ATXN10: variants seen among roughly 807,000 people sequenced by gnomAD.
ATXN10 encodes the protein ataxin-10.
Under a neutral mutation model 52.9 loss-of-function variants are expected in ATXN10, and 28 were observed. That is an observed-to-expected ratio of 0.53 (90% confidence interval 0.39 to 0.73). The LOEUF (loss-of-function observed/expected upper bound fraction) is 0.73, where lower values mean the gene tolerates loss of function less well. Among genes scored for constraint, ATXN10 ranks in the 30% least tolerant of loss-of-function variants. ATXN10 has a pLI of 0.00. For synonymous variants in ATXN10, 226 were observed against 221.5 expected (o/e 1.02, Z -0.18); for missense variants, 565 against 577.0 (o/e 0.98, Z 0.21).
intron 10 of ATXN10, among the ~76,000 whole-genome samples, chr22:45,813,664 G>T (rs1601662808): frequency 6.6e-6 from 1 of 152,112 alleles, no homozygotes; most frequent in South Asian, 2.1e-4. Flanking sequence ...TCCGAGCATT[G>T]CACTCTATCT....
intron 9 of ATXN10, among the ~76,000 whole-genome samples, chr22:45,804,081 C>A (rs2146881639): frequency 6.6e-6 from 1 of 152,160 alleles, no homozygotes; most frequent in South Asian, 2.1e-4. Context: ...GAATTCAAGC[C>A]CAAATTTCAT....
chr22:45,807,723 C>G (rs1235830813), intron 10 of ATXN10, among the ~76,000 whole-genome samples: 1 of 152,156 alleles, frequency 6.6e-6, no homozygotes. Flanking sequence ...GAGATAAAAC[C>G]TACTGTTTAA....
At chr22:45,779,912 GA>G (rs34577605) in intron 9 of ATXN10, among the ~76,000 whole-genome samples, 1 of 150,838 alleles carries the variant, frequency 6.6e-6, no homozygotes, top group Non-Finnish European at 1.5e-5. Flanking sequence ...ATGTGTTTCT[GA>G]AAAAAAAATC....
At chr22:45,738,107 T>G (rs1397599091) in intron 7 of ATXN10, among the ~76,000 whole-genome samples, 3 of 152,140 alleles carry the variant, frequency 2.0e-5, no homozygotes, top group African/African-American at 7.3e-5. Context: ...GCTATGCAGT[T>G]GGTACTGGGT....
chr22:45,776,293 T>C (rs1569060185), intron 9 of ATXN10, among the ~76,000 whole-genome samples: 1 of 152,220 alleles, frequency 6.6e-6, no homozygotes, highest in African/African-American at 2.4e-5. Context: ...AATCTTTTGA[T>C]AGCACTTTCC....
At chr22:45,734,751 A>G (rs1050996758) in intron 7 of ATXN10, among the ~76,000 whole-genome samples, 2 of 151,610 alleles carry the variant, frequency 1.3e-5, no homozygotes, top group Non-Finnish European at 2.9e-5. Flanking sequence ...ATCCAAGATT[A>G]TAAAATCTTT....
At chr22:45,749,184 G>C (rs544128184) in intron 9 of ATXN10, among the ~76,000 whole-genome samples, 2 of 152,260 alleles carry the variant, frequency 1.3e-5, no homozygotes, top group African/African-American at 4.8e-5. Context: ...GGCTTTAAGC[G>C]TGAAGGCAGA....
chr22:45,747,480 G>A (rs141704807), intron 9 of ATXN10, among the ~76,000 whole-genome samples: 252 of 151,452 alleles, frequency 1.7e-3, no homozygotes, highest in Non-Finnish European at 2.3e-3. Context: ...TTCTAGCCTC[G>A]GTGAGGGTGT....
At chr22:45,797,558 T>C (rs1227414142) in intron 9 of ATXN10, among the ~76,000 whole-genome samples, 2 of 152,196 alleles carry the variant, frequency 1.3e-5, no homozygotes, top group African/African-American at 4.8e-5. Flanking sequence ...GATAAAGTAG[T>C]GTTTAGGAAA....
At chr22:45,838,561 T>C (rs371847820) in intron 10 of ATXN10, among the ~76,000 whole-genome samples, 1 of 152,232 alleles carries the variant, frequency 6.6e-6, no homozygotes, top group Non-Finnish European at 1.5e-5. Flanking sequence ...TTAGAGACTT[T>C]AGAAGATGTT....
intron 10 of ATXN10, chr22:45,811,691 TC>T (rs764181497): frequency 3.0e-5 from 14 of 470,476 alleles, no homozygotes; most frequent in African/African-American, 2.4e-4. Flanking sequence ...ATTGTCTCTA[TC>T]CCCAGTGCCA....
rs905323898 is a variant in ATXN10, at chr22:45,826,489, T to C, written c.1238-16502T>C. ...AAGATGAACTCAAGGAGACATATTATAGTCAGAGTTTTGAAAGACAGAGAT... is the reference window on the plus strand; with the variant it reads ...AAGATGAACTCAAGGAGACATATTACAGTCAGAGTTTTGAAAGACAGAGAT... On this transcript the variant is annotated intron_variant, in intron 10 of 11. Coordinates refer to ENST00000252934, the MANE Select transcript of ATXN10 (RefSeq NM_013236.4). The surrounding 1 kb of genome is among the most constrained non-coding windows in gnomAD (Gnocchi z 5.0). 4.6e-5 allele frequency among the ~76,000 whole-genome samples: 7 copies of C among 152,178 alleles called. No individual in the cohort carries two copies. The highest frequency in any genetic ancestry group is 4.1e-4 in the South Asian group (2 of 4,834).
intron 9 of ATXN10, chr22:45,792,702 A>G (rs1405705632): frequency 5.6e-6 from 2 of 354,484 alleles, no homozygotes; most frequent in Admixed American, 3.5e-5. Context: ...TGAACTATCT[A>G]TTGCTTTAAT....
chr22:45,825,158 G>A lies in ATXN10; in HGVS notation c.1238-17833G>A, dbSNP rs1928776071. On this transcript the variant is annotated intron_variant, in intron 10 of 11. Transcript: ENST00000252934. The surrounding 1 kb of genome is among the most constrained non-coding windows in gnomAD (Gnocchi z 4.5). ...AAGACCCTGACATGCAAATATCTGG[G>A]GTCAGTGCTCTGATTACTGATTTCA... Among the ~76,000 whole-genome samples, 1 of 152,096 alleles carries A rather than the reference G, an allele frequency of 6.6e-6. No individual in the cohort carries two copies. Among genetic ancestry groups the A allele is most frequent in the South Asian group, 2.1e-4 (1 of 4,808 alleles).
rs1445183841 is a variant in ATXN10, at chr22:45,789,557, C to T, written c.1174-17402C>T. 2.0e-5 allele frequency among the ~76,000 whole-genome samples: 3 copies of T among 152,158 alleles called. No homozygotes were observed. Among genetic ancestry groups the T allele is most frequent in the Non-Finnish European group, 4.4e-5 (3 of 68,040 alleles). ...TCAAAGAGGGATTCAATTGTCACCG[C>T]CCTGGGAAGGCGCCAGTGAAGGGCC... On this transcript the variant is annotated intron_variant, in intron 9 of 11. Coordinates refer to ENST00000252934, the MANE Select transcript of ATXN10 (RefSeq NM_013236.4). The surrounding 1 kb of genome is among the most constrained non-coding windows in gnomAD (Gnocchi z 4.0).
At chr22:45,694,331 G>C (rs1244842668) in intron 3 of ATXN10, among the ~76,000 whole-genome samples, 1 of 152,026 alleles carries the variant, frequency 6.6e-6, no homozygotes, top group African/African-American at 2.4e-5. Context: ...AATACTTTAT[G>C]GGTAAACCTA....
At position 45,786,244 on chromosome 22, in the gene ATXN10, C is replaced by T. The variant is rs1296358742; in HGVS notation, c.1174-20715C>T. On this transcript the variant is annotated intron_variant, in intron 9 of 11. Coordinates refer to ENST00000252934, the MANE Select transcript of ATXN10 (RefSeq NM_013236.4). This position sits in a 1 kb window ranked among gnomAD's most constrained non-coding sequence, Gnocchi z 4.1. The stretch of plus-strand genomic sequence containing the variant: ...GGTACTTTAAGAGCCTCTGCCATTA[C>T]TATTCTTGAAAAGCATCTTTATTTT... 6.6e-6 allele frequency among the ~76,000 whole-genome samples: 1 copy of T among 152,202 alleles called. No homozygotes were observed. The highest frequency in any genetic ancestry group is 1.5e-5 in the Non-Finnish European group (1 of 68,036).
At chr22:45,700,542 A>C (rs1358355298) in intron 4 of ATXN10, among the ~76,000 whole-genome samples, 164 bp downstream of exon 4, 3 of 152,096 alleles carry the variant, frequency 2.0e-5, no homozygotes, top group African/African-American at 7.2e-5. Flanking sequence ...GGCACTAGGG[A>C]AACACCTGGG....
rs541656225 is a variant in ATXN10 at position 45,787,706 on chromosome 22, G to A, written c.1174-19253G>A. Among the ~76,000 whole-genome samples, 2 of 152,140 alleles carry A rather than the reference G, an allele frequency of 1.3e-5. No homozygotes were observed. Among genetic ancestry groups the A allele is most frequent in the African/African-American group, 2.4e-5 (1 of 41,426 alleles). On this transcript the variant is annotated intron_variant, in intron 9 of 11. Transcript: ENST00000252934. This position sits in a 1 kb window ranked among gnomAD's most constrained non-coding sequence, Gnocchi z 4.2. ...ATATGTTTGTCTGTGTGTTATTCCTGTATAATTTTAACAGAACACAGTAGG... is the reference window on the plus strand; with the variant it reads ...ATATGTTTGTCTGTGTGTTATTCCTATATAATTTTAACAGAACACAGTAGG...
Sources: allele counts gnomAD v4.1 joint callset (sites outside exome capture counted in the v4.1 genomes callset), GRCh38; gene constraint gnomAD v4.1.1; non-coding constraint Gnocchi (gnomAD v3.1); transcripts MANE v1.5; gene names NCBI Gene and HGNC (gene_info 2026-07-23, HGNC 2026-07-21).